Variants in ANXA10 observed in about 807,000 individuals in gnomAD.
ANXA10 encodes the protein annexin 14.
In ANXA10, 49 loss-of-function variants were observed where a neutral mutation model predicts 53.5. That is an observed-to-expected ratio of 0.92 (90% confidence interval 0.73 to 1.16). ANXA10 has a LOEUF of 1.16. Among genes scored for constraint, ANXA10 ranks in the 50% most tolerant of loss-of-function variants. The pLI is 0.00. For missense variants in ANXA10, 393 were observed against 394.4 expected (o/e 1.00, Z 0.03); for synonymous variants, 131 against 128.9 (o/e 1.02, Z -0.11).
At chr4:168,155,231 T>A (rs895113177) in intron 3 of ANXA10, among the ~76,000 whole-genome samples, 2 of 147,690 alleles carry the variant, frequency 1.4e-5, no homozygotes, top group Non-Finnish European at 3.0e-5. Flanking sequence ...GAATAATATC[T>A]CTAATTTATA....
At chr4:168,146,072 C>T (rs1731401819) in intron 3 of ANXA10, among the ~76,000 whole-genome samples, 1 of 152,218 alleles carries the variant, frequency 6.6e-6, no homozygotes. Flanking sequence ...CCACGCCCAG[C>T]TAATTTTTGT....
At chr4:168,130,779 T>C (rs2149470283) in intron 2 of ANXA10, among the ~76,000 whole-genome samples, 1 of 152,074 alleles carries the variant, frequency 6.6e-6, no homozygotes, top group East Asian at 1.9e-4. Context: ...GATTTTAATG[T>C]CCATTGAGAT....
At chr4:168,119,092 C>T (rs1730945053) in intron 1 of ANXA10, among the ~76,000 whole-genome samples, 1 of 151,996 alleles carries the variant, frequency 6.6e-6, no homozygotes, top group South Asian at 2.1e-4. Context: ...TATTTTTCTT[C>T]AACAATGTGT....
chr4:168,156,171 T>TATTATATATTA (rs1553957740), intron 3 of ANXA10, among the ~76,000 whole-genome samples: 11 of 31,236 alleles, frequency 3.5e-4, no homozygotes, highest in Non-Finnish European at 5.1e-4. Flanking sequence ...ATTATATATA[T>TATTATATATTA]TATATTATAT....
intron 2 of ANXA10, among the ~76,000 whole-genome samples, chr4:168,135,853 A>C (rs1236705659): frequency 6.6e-6 from 1 of 152,196 alleles, no homozygotes; most frequent in East Asian, 1.9e-4. Context: ...AATATTAGTC[A>C]ATTCTCACAC....
At chr4:168,147,789 T>G (rs1395541472) in intron 3 of ANXA10, among the ~76,000 whole-genome samples, 2 of 152,138 alleles carry the variant, frequency 1.3e-5, no homozygotes, top group Non-Finnish European at 2.9e-5. Context: ...GTCCTCCTGC[T>G]CCACAAAGGC....
chr4:168,121,548 C>T (rs1203645129), intron 1 of ANXA10, among the ~76,000 whole-genome samples: 1 of 152,014 alleles, frequency 6.6e-6, no homozygotes. Context: ...GTTTAATTAT[C>T]ATTTAATAAT....
intron 3 of ANXA10, 71 bp downstream of exon 3, chr4:168,139,651 G>GT: frequency 5.9e-6 from 7 of 1,195,798 alleles, no homozygotes; most frequent in South Asian, 2.8e-5. Flanking sequence ...CGGATAATAG[G>GT]TATTTTTTTT....
intron 8 of ANXA10, chr4:168,178,457 C>T (rs1456925019): frequency 6.5e-6 from 1 of 152,760 alleles, no homozygotes; most frequent in African/African-American, 2.4e-5. Context: ...GTGTCTTTTT[C>T]TTTTATTAAA....
intron 6 of ANXA10, among the ~76,000 whole-genome samples, chr4:168,167,214 A>G (rs533576867): frequency 1.3e-5 from 2 of 152,306 alleles, no homozygotes; most frequent in African/African-American, 4.8e-5. Flanking sequence ...GAGAACAGAC[A>G]GTCCTCAGTC....
intron 6 of ANXA10, among the ~76,000 whole-genome samples, chr4:168,170,290 G>A (rs1242552633): frequency 6.6e-6 from 1 of 151,720 alleles, no homozygotes; most frequent in Admixed American, 6.6e-5. Flanking sequence ...TCTTATATAT[G>A]TCATTAAAAT....
chr4:168,120,646 G>A (rs1730970297), intron 1 of ANXA10, among the ~76,000 whole-genome samples: 1 of 151,980 alleles, frequency 6.6e-6, no homozygotes, highest in Non-Finnish European at 1.5e-5. Context: ...GGGAAATTAG[G>A]AAGCAATGTG....
chr4:168,155,815 T>TATATGATATATCATATATG (rs1731628588), intron 3 of ANXA10, among the ~76,000 whole-genome samples: 2 of 12,036 alleles, frequency 1.7e-4, no homozygotes, highest in Admixed American at 1.7e-3. Context: ...TATGATATAT[T>TATATGATATATCATATATG]ATATATGATA....
At chr4:168,118,835 G>T (rs945602879) in intron 1 of ANXA10, among the ~76,000 whole-genome samples, 8 of 152,092 alleles carry the variant, frequency 5.3e-5, no homozygotes, top group African/African-American at 1.7e-4. Context: ...CTTGGAGAAA[G>T]AAATAATATC....
Position 168,181,542 on chromosome 4 carries a change from A to C in ANXA10, c.725-141A>C, listed in dbSNP as rs1034545479. On this transcript the variant is annotated intron_variant, in intron 9 of 11. Transcript: ENST00000359299. ...TTTATATTTTTTTCCTGTGGCTTAT[A>C]GTGTTACCATTATTCTAAGTGTTGA... 7.0e-6 allele frequency: 5 copies of C among 714,636 alleles called. No individual in the cohort carries two copies. In the African/African-American group the frequency reaches 8.9e-5, roughly 13 times the overall value. The allele number at this position is 714,636 out of a possible 1,614,324, so 44.3% of individuals were successfully genotyped here.
chr4:168,120,545 C>T (rs1485724011), intron 1 of ANXA10, among the ~76,000 whole-genome samples: 1 of 151,702 alleles, frequency 6.6e-6, no homozygotes, highest in African/African-American at 2.4e-5. Context: ...CAATTGTGGT[C>T]ATTATGGTAA....
chr4:168,121,501 A>C (rs555734698), intron 1 of ANXA10, among the ~76,000 whole-genome samples: 100 of 152,274 alleles, frequency 6.6e-4, no homozygotes, highest in Non-Finnish European at 1.1e-3. Flanking sequence ...GTAGGCTACA[A>C]TTTTAATCAA....
chr4:168,161,282 A>G (rs971154735), intron 3 of ANXA10, among the ~76,000 whole-genome samples: 3 of 152,176 alleles, frequency 2.0e-5, no homozygotes, highest in Non-Finnish European at 4.4e-5. Flanking sequence ...GCATATAACT[A>G]GACACTTCTC....
chr4:168,177,416 C>T (rs1186985710), intron 6 of ANXA10, among the ~76,000 whole-genome samples: 1 of 152,134 alleles, frequency 6.6e-6, no homozygotes, highest in Non-Finnish European at 1.5e-5. Flanking sequence ...ACACCCACTG[C>T]CATGGTCAGG....
Sources: gnomAD v4.1 joint callset for allele counts (sites outside exome capture counted in the v4.1 genomes callset) on GRCh38, gnomAD v4.1.1 for gene constraint, MANE v1.5 for transcripts, NCBI Gene and HGNC (gene_info 2026-07-23, HGNC 2026-07-21) for gene names.